The following DOCK7 variants were observed in gnomAD, a reference collection of about 807,000 sequenced individuals.
DOCK7 encodes dedicator of cytokinesis 7, also known as dedicator of cytokinesis protein 7.
A neutral mutation model predicts 271.0 loss-of-function variants in DOCK7; 138 were observed. That is an observed-to-expected ratio of 0.51 (90% confidence interval 0.44 to 0.59). The LOEUF is 0.59. Among genes scored for constraint, DOCK7 ranks in the 20% least tolerant of loss-of-function variants. The pLI, the probability that DOCK7 is intolerant of heterozygous loss-of-function variation, is 0.00. For missense variants in DOCK7, 2,066 were observed against 2,592.4 expected, an observed-to-expected ratio of 0.80 and a Z score of 4.41; for synonymous variants, 823 against 876.1, an observed-to-expected ratio of 0.94 and a Z score of 1.07.
chr1:62,550,773 T>C (rs980064703), intron 22 of DOCK7, among the ~76,000 whole-genome samples: 1 of 150,462 alleles, frequency 6.6e-6, no homozygotes, highest in African/African-American at 2.4e-5. Flanking sequence ...CAGGCTGGAG[T>C]GCAATGGTGA....
chr1:62,503,573 C>T (rs560701175), intron 37 of DOCK7, among the ~76,000 whole-genome samples: 4 of 151,834 alleles, frequency 2.6e-5, no homozygotes, highest in South Asian at 2.1e-4. Context: ...CGAGTAGCTG[C>T]GACCACAGGC....
At chr1:62,529,144 A>G (rs1296474150) in intron 30 of DOCK7, 133 bp downstream of exon 30, 1 of 850,312 alleles carries the variant, frequency 1.2e-6, no homozygotes, top group African/African-American at 1.7e-5. Context: ...AATATAGTTT[A>G]ATATTTATAG....
intron 14 of DOCK7, among the ~76,000 whole-genome samples, chr1:62,591,140 C>G (rs1648381311): frequency 6.6e-6 from 1 of 152,096 alleles, no homozygotes; most frequent in African/African-American, 2.4e-5. Context: ...AAATGTGGTA[C>G]ATATACACAG....
chr1:62,620,830 G>C (rs1408567435), intron 12 of DOCK7, among the ~76,000 whole-genome samples: 2 of 144,006 alleles, frequency 1.4e-5, no homozygotes, highest in Non-Finnish European at 3.0e-5. Flanking sequence ...CTTGCAGTGA[G>C]CTGAGTTCGC....
intron 2 of DOCK7, among the ~76,000 whole-genome samples, chr1:62,662,449 A>T (rs1658768239): frequency 6.6e-6 from 1 of 152,120 alleles, no homozygotes; most frequent in Non-Finnish European, 1.5e-5. Flanking sequence ...ATTTTCACAT[A>T]ATGAATCACC....
In DOCK7 at chr1:62,529,367, C is replaced by T. The variant is rs1645107329; in HGVS notation, c.3691G>A (p.Asp1231Asn). The T allele has an allele frequency of 5.6e-6, 9 of 1,613,724 alleles. No homozygotes were observed. The highest frequency in any genetic ancestry group is 7.6e-6 in the Non-Finnish European group (9 of 1,179,914). Residue 1231 changes from aspartate to asparagine, a missense_variant, in exon 30 of 50, where the codon GAC (aspartate) becomes AAC (asparagine). Asp to Asn is a conservative substitution (Grantham distance 23). Around this residue, in one of 2 missense-constraint regions of DOCK7, gnomAD observed 1,414 missense variants for 1,670.4 expected, o/e 0.85. Transcript: ENST00000635253. ...SSHDSDPRYS[D>N]PQIKARVAML... ...GCCACTCGAGCCTTTATCTGAGGGT[C>T]AGAGTACCGCGGGTCTGAGTCGTGA...
At chr1:62,569,799 C>T (rs1192090853) in intron 18 of DOCK7, among the ~76,000 whole-genome samples, 1 of 149,732 alleles carries the variant, frequency 6.7e-6, no homozygotes, top group African/African-American at 2.5e-5. Flanking sequence ...CTGCAACCTC[C>T]ACCTCCTGGG....
At chr1:62,519,192 C>A (rs1644770475) in intron 31 of DOCK7, among the ~76,000 whole-genome samples, 1 of 152,044 alleles carries the variant, frequency 6.6e-6, no homozygotes, top group African/African-American at 2.4e-5. Flanking sequence ...GGAGAAATTA[C>A]AAAACCACAA....
chr1:62,469,348 T>G (rs956863760), intron 48 of DOCK7, among the ~76,000 whole-genome samples: 5 of 152,182 alleles, frequency 3.3e-5, no homozygotes, highest in African/African-American at 1.2e-4. Flanking sequence ...CAAATGATAC[T>G]GGGATAATTG....
At chr1:62,530,180 C>G (rs891180121) in intron 29 of DOCK7, among the ~76,000 whole-genome samples, 41 of 152,316 alleles carry the variant, frequency 2.7e-4, no homozygotes, top group African/African-American at 9.6e-4. Context: ...CTCACTCTCT[C>G]TCCTTAAGCC....
chr1:62,590,075 T>A (rs1648217782), intron 14 of DOCK7, among the ~76,000 whole-genome samples: 1 of 151,498 alleles, frequency 6.6e-6, no homozygotes, highest in African/African-American at 2.4e-5. Context: ...GAAGAAAATA[T>A]AAGAAAAATG....
intron 36 of DOCK7, 135 bp from the exon 37 acceptor site, chr1:62,504,917 G>A: frequency 1.9e-6 from 2 of 1,047,012 alleles, no homozygotes; most frequent in Non-Finnish European, 2.7e-6. Context: ...ATTAGCTAAT[G>A]GTTAATAGTG....
intron 14 of DOCK7, among the ~76,000 whole-genome samples, chr1:62,587,639 T>C (rs1647765901): frequency 6.6e-6 from 1 of 152,180 alleles, no homozygotes; most frequent in South Asian, 2.1e-4. Context: ...GTTGGTTAAT[T>C]AAGATACCTT....
chr1:62,632,152 C>T (rs1654710201), intron 10 of DOCK7, among the ~76,000 whole-genome samples: 2 of 152,142 alleles, frequency 1.3e-5, no homozygotes, highest in African/African-American at 4.8e-5. Context: ...ATGACAGTGT[C>T]CTACCTTGGG....
intron 37 of DOCK7, among the ~76,000 whole-genome samples, chr1:62,497,967 T>A (rs913450436): frequency 3.4e-5 from 5 of 148,388 alleles, no homozygotes; most frequent in African/African-American, 9.9e-5. Context: ...AAAGTGCTTT[T>A]AAAAAAAAAA....
Position 62,555,820 on chromosome 1 carries a change from A to T in DOCK7, c.2596+5T>A, listed in dbSNP as rs1557710825. 6.2e-7 allele frequency: 1 copy of T among 1,603,262 alleles called. No individual in the cohort carries two copies. The highest frequency in any genetic ancestry group is 2.2e-5 in the East Asian group (1 of 44,726). On this transcript the variant is annotated splice_donor_5th_base_variant and intron_variant, in intron 21 of 49. Coordinates refer to ENST00000635253, the MANE Select transcript of DOCK7 (RefSeq NM_001367561.1). Reference sequence around the variant, plus strand: ...GACAGCTTCATAGTAAAAAGAATAAAATACCTGGTGATGATGAATTAGGGT... The same window carrying T: ...GACAGCTTCATAGTAAAAAGAATAATATACCTGGTGATGATGAATTAGGGT...
At chr1:62,661,907 G>A (rs1469666802) in intron 2 of DOCK7, among the ~76,000 whole-genome samples, 2 of 152,122 alleles carry the variant, frequency 1.3e-5, no homozygotes, top group African/African-American at 4.8e-5. Flanking sequence ...AAGACACCAA[G>A]AGCATTTTGG....
At chr1:62,555,758 T>C (rs1187831967) in intron 21 of DOCK7, 67 bp downstream of exon 21, 2 of 1,524,368 alleles carry the variant, frequency 1.3e-6, no homozygotes, top group Non-Finnish European at 1.8e-6. Flanking sequence ...GACTACAAAA[T>C]TATCTCAATA....
intron 31 of DOCK7, among the ~76,000 whole-genome samples, chr1:62,524,915 A>AAACC (rs1644954537): frequency 9.9e-6 from 1 of 100,892 alleles, no homozygotes; most frequent in Non-Finnish European, 2.0e-5. Flanking sequence ...AAACAAAACA[A>AAACC]AACCAACCAA....
Sources: allele counts gnomAD v4.1 joint callset (sites outside exome capture counted in the v4.1 genomes callset), GRCh38; gene constraint gnomAD v4.1.1; regional missense constraint gnomAD v4.1.1; transcripts MANE v1.5; gene names NCBI Gene and HGNC (gene_info 2026-07-23, HGNC 2026-07-21).